The following SCHIP1 variants were observed in gnomAD, a reference collection of about 807,000 sequenced individuals.
SCHIP1 encodes the protein schwannomin interacting protein 1, also known as schwannomin-interacting protein 1.
A neutral mutation model predicts 29.7 loss-of-function variants in SCHIP1; 8 were observed. The ratio of observed to expected loss-of-function variants is 0.27; its 90% confidence interval spans 0.16 to 0.49. The LOEUF (loss-of-function observed/expected upper bound fraction) is 0.49. Ranked by LOEUF, SCHIP1 falls within the 20% of genes least tolerant of loss-of-function variation. SCHIP1 has a pLI of 0.99. For synonymous variants in SCHIP1, 76 were observed against 94.9 expected (o/e 0.80, Z 1.16); for missense variants, 193 against 294.6 (o/e 0.66, Z 2.52).
the SCHIP1 span, among the ~76,000 whole-genome samples, chr3:159,719,239 G>T: frequency 5.3e-5 from 8 of 152,062 alleles, no homozygotes; most frequent in Non-Finnish European, 8.8e-5. Context: ...AATTCAAGAT[G>T]GATTAAAGAC....
the SCHIP1 span, among the ~76,000 whole-genome samples, chr3:159,825,501 T>A: frequency 6.6e-6 from 1 of 152,202 alleles, no homozygotes; most frequent in Non-Finnish European, 1.5e-5. Context: ...GGTGAGCAAG[T>A]GGCCACTTGA....
chr3:159,421,708 G>A, the SCHIP1 span, among the ~76,000 whole-genome samples: 1 of 152,104 alleles, frequency 6.6e-6, no homozygotes, highest in African/African-American at 2.4e-5. Context: ...TCTTTCTATT[G>A]CTCTTCACCA....
the SCHIP1 span, among the ~76,000 whole-genome samples, chr3:159,379,618 C>G: frequency 4.6e-5 from 7 of 151,882 alleles, no homozygotes; most frequent in African/African-American, 1.7e-4. Flanking sequence ...CACTAATCAC[C>G]CCTATTAGTG....
the SCHIP1 span, among the ~76,000 whole-genome samples, chr3:159,792,591 A>G: frequency 3.1e-3 from 475 of 152,330 alleles, 2 homozygotes; most frequent in African/African-American, 0.011. Context: ...CATTCACACA[A>G]TTAGTTGGCA....
At chr3:159,307,094 G>A in the SCHIP1 span, among the ~76,000 whole-genome samples, 1 of 152,128 alleles carries the variant, frequency 6.6e-6, no homozygotes, top group Non-Finnish European at 1.5e-5. Context: ...TCCAAAAATA[G>A]GGAAAAGGTT....
the SCHIP1 span, among the ~76,000 whole-genome samples, chr3:159,747,741 C>T: frequency 2.6e-5 from 4 of 152,156 alleles, no homozygotes; most frequent in African/African-American, 4.8e-5. Context: ...ATTCCACAGG[C>T]ATCTGTGTGT....
chr3:159,646,002 GATGTC>G, the SCHIP1 span, among the ~76,000 whole-genome samples: 1 of 152,180 alleles, frequency 6.6e-6, no homozygotes. Flanking sequence ...TGTGAGTCAA[GATGTC>G]ATGTGCAAGT....
At chr3:159,369,077 A>C in the SCHIP1 span, among the ~76,000 whole-genome samples, 2 of 152,106 alleles carry the variant, frequency 1.3e-5, no homozygotes, top group Non-Finnish European at 2.9e-5. Context: ...TGCCCCATGG[A>C]GGGCTTCTGC....
chr3:159,462,751 A>G, the SCHIP1 span, among the ~76,000 whole-genome samples: 3 of 152,080 alleles, frequency 2.0e-5, no homozygotes, highest in East Asian at 1.9e-4. Context: ...TCTTGTTCAT[A>G]TTATTTTCTC....
At chr3:159,587,665 G>A in the SCHIP1 span, among the ~76,000 whole-genome samples, 10 of 151,694 alleles carry the variant, frequency 6.6e-5, no homozygotes, top group South Asian at 4.2e-4. Context: ...TTCCCCTTCC[G>A]GTGTCCAAGT....
the SCHIP1 span, among the ~76,000 whole-genome samples, chr3:159,459,113 T>C: frequency 6.6e-6 from 1 of 152,138 alleles, no homozygotes; most frequent in Non-Finnish European, 1.5e-5. Flanking sequence ...GATTATGCAA[T>C]ATATAATGAG....
At chr3:159,789,422 A>T in the SCHIP1 span, among the ~76,000 whole-genome samples, 1 of 152,148 alleles carries the variant, frequency 6.6e-6, no homozygotes, top group African/African-American at 2.4e-5. Flanking sequence ...GCAACATCTC[A>T]CCTGGCATTG....
At chr3:159,443,754 G>A in the SCHIP1 span, among the ~76,000 whole-genome samples, 6 of 152,086 alleles carry the variant, frequency 3.9e-5, no homozygotes, top group South Asian at 2.1e-4. Flanking sequence ...TGATCTGCCC[G>A]CCTCGGCCTC....
At chr3:159,728,435 T>G in the SCHIP1 span, among the ~76,000 whole-genome samples, 1 of 152,344 alleles carries the variant, frequency 6.6e-6, no homozygotes, top group East Asian at 1.9e-4. Flanking sequence ...GCTATACTAC[T>G]TCTCCCCCAC....
At chr3:159,295,187 G>A in the SCHIP1 span, among the ~76,000 whole-genome samples, 1 of 149,668 alleles carries the variant, frequency 6.7e-6, no homozygotes, top group Non-Finnish European at 1.5e-5. Flanking sequence ...GGAGGCTGAG[G>A]TGGACAGATC....
At chr3:159,699,563 C>A in the SCHIP1 span, among the ~76,000 whole-genome samples, 2 of 152,144 alleles carry the variant, frequency 1.3e-5, no homozygotes, top group Non-Finnish European at 2.9e-5. Flanking sequence ...GAGGGCTGTG[C>A]AAACTGTGGT....
the SCHIP1 span, among the ~76,000 whole-genome samples, chr3:159,674,204 T>C: frequency 4.0e-4 from 61 of 152,330 alleles, no homozygotes; most frequent in East Asian, 0.012. Flanking sequence ...ATTTATAAAA[T>C]GTAACTTACA....
the SCHIP1 span, among the ~76,000 whole-genome samples, chr3:159,756,111 C>T: frequency 6.6e-6 from 1 of 152,248 alleles, no homozygotes; most frequent in Non-Finnish European, 1.5e-5. Context: ...CACAGCTCTA[C>T]TAGACAGTAC....
the SCHIP1 span, among the ~76,000 whole-genome samples, chr3:159,298,186 G>A: frequency 2.0e-5 from 3 of 152,156 alleles, no homozygotes; most frequent in Non-Finnish European, 4.4e-5. Flanking sequence ...CATAATTAAT[G>A]CTATTGGCAG....
Sources: allele counts gnomAD v4.1 joint callset (sites outside exome capture counted in the v4.1 genomes callset), GRCh38; gene constraint gnomAD v4.1.1; transcripts MANE v1.5; gene names NCBI Gene and HGNC (gene_info 2026-07-23, HGNC 2026-07-21).